Variants in PLS3 observed in about 807,000 individuals in gnomAD.
The protein encoded by PLS3 is plastin-3.
Under a neutral mutation model 46.5 loss-of-function variants are expected in PLS3, and 11 were observed. The ratio of observed to expected loss-of-function variants is 0.24; its 90% CI spans 0.15 to 0.39. The LOEUF is 0.39. Ranked by LOEUF, PLS3 falls within the 10% of genes least tolerant of loss-of-function variation. The pLI, the probability that PLS3 is intolerant of heterozygous loss-of-function variation, is 1.00. For synonymous variants in PLS3, 167 were observed against 162.2 expected, an observed-to-expected ratio of 1.03 and a Z score of -0.22; for missense variants, 308 against 461.8, an observed-to-expected ratio of 0.67 and a Z score of 3.05.
chrX:115,602,126 T>C (rs2074450945), intron 1 of PLS3, among the ~76,000 whole-genome samples: 2 of 111,639 alleles, frequency 1.8e-5, no homozygotes, highest in African/African-American at 6.5e-5. Flanking sequence ...GAAAAAACTT[T>C]TCTGACGCCT....
intron 1 of PLS3, among the ~76,000 whole-genome samples, chrX:115,569,927 C>T (rs1244537647): frequency 4.5e-5 from 5 of 111,518 alleles, no homozygotes; most frequent in South Asian, 3.8e-4. Flanking sequence ...CAATAGCTCT[C>T]GCATTTTATT....
chrX:115,634,761 G>A lies in PLS3; in HGVS notation c.583-120G>A, dbSNP rs1169472540. 1.1e-5 allele frequency: 7 copies of A among 665,779 alleles called. No individual in the cohort carries two copies. In the African/African-American group the frequency reaches 1.1e-4, roughly 10 times the overall value. The allele number at this position is 665,779 out of a possible 1,213,427, so 54.9% of individuals were successfully genotyped here. ...ATTTGTTTTTTGTGACACATATATG[G>A]ATGAAATTAATACAGGGTATTAATT... On this transcript the variant is annotated intron_variant, in intron 6 of 15. Coordinates refer to ENST00000355899, the MANE Select transcript of PLS3 (RefSeq NM_005032.7).
intron 2 of PLS3, among the ~76,000 whole-genome samples, chrX:115,620,142 G>A (rs1481403006): frequency 1.8e-5 from 2 of 110,975 alleles, no homozygotes; most frequent in Non-Finnish European, 3.8e-5. Context: ...ATCACACTTA[G>A]AAAGAAATGT....
At position 115,644,426 on chromosome X, in the gene PLS3, G is replaced by A. The variant is rs1476211951; in HGVS notation, c.1184-595G>A. On this transcript the variant is annotated intron_variant, in intron 10 of 15. Transcript: ENST00000355899. ...AGCCTGGCTAACATGGTGAAACCCC[G>A]TTTCCACTAAAAATACAAAAAATTA... Among the ~76,000 whole-genome samples the A allele has an allele frequency of 6.4e-5, 7 of 109,599 alleles. No individual in the cohort carries two copies. In the East Asian group the frequency reaches 1.1e-3, roughly 18 times the overall value.
rs200804393 is a variant in PLS3 at position 115,567,700 on chromosome X, TTTC to T, written c.-9+6449_-9+6451del. Among the ~76,000 whole-genome samples the T allele has an allele frequency of 8.1e-3, 854 of 105,478 alleles. 11 individuals carry two copies. Among genetic ancestry groups the T allele is most frequent in the African/African-American group, 0.029 (805 of 27,970 alleles). 91.6% of individuals were successfully genotyped at this position (105,478 alleles called of 115,157 possible). A position where few individuals can be genotyped will look rare whatever the true frequency, so the allele number is the denominator to read the frequency against. On this transcript the variant is annotated intron_variant, in intron 1 of 15. Coordinates refer to ENST00000355899, the MANE Select transcript of PLS3 (RefSeq NM_005032.7). ...GCTATTAACTTGGATTTTCTTTTCT[TTTC>T]TTCTTCTTTTTTTTTTTTTTTTTTT...
At chrX:115,613,675 A>G (rs782772498) in intron 2 of PLS3, among the ~76,000 whole-genome samples, 2 of 111,463 alleles carry the variant, frequency 1.8e-5, no homozygotes, top group East Asian at 2.8e-4. Context: ...GTGTGGGTGC[A>G]TGGGTAAAAG....
At chrX:115,596,839 G>T (rs1374722992) in intron 1 of PLS3, among the ~76,000 whole-genome samples, 1 of 103,761 alleles carries the variant, frequency 9.6e-6, no homozygotes, top group Non-Finnish European at 2.0e-5. Context: ...TCTGTCTCAA[G>T]AAAATAATAA....
At chrX:115,643,569 A>G (rs1348587258) in intron 10 of PLS3, 61 bp downstream of exon 10, 34 of 637,372 alleles carry the variant, frequency 5.3e-5, no homozygotes, top group South Asian at 9.0e-5. Context: ...ATAGGCCACA[A>G]TGATTTTACA....
chrX:115,561,318 A>T (rs939542307), intron 1 of PLS3, 58 bp downstream of exon 1: 4 of 110,647 alleles, frequency 3.6e-5, no homozygotes, highest in African/African-American at 1.3e-4. Flanking sequence ...GGGCGTGGGC[A>T]GGAGTGGGTC....
intron 3 of PLS3, among the ~76,000 whole-genome samples, chrX:115,623,407 G>A (rs1449335632): frequency 9.0e-6 from 1 of 111,185 alleles, no homozygotes. Context: ...TATAGTCCTA[G>A]CTACTCAGGA....
At position 115,640,585 on chromosome X, in the gene PLS3, G is replaced by A. The variant is rs782779243; in HGVS notation, c.987+82G>A. On this transcript the variant is annotated intron_variant, in intron 9 of 15. Transcript: ENST00000355899. ...TATAAGTACAATAATTTTTATAATCGTATGAAGTAGAGTTGGCAATTTTAA... is the reference window on the plus strand; with the variant it reads ...TATAAGTACAATAATTTTTATAATCATATGAAGTAGAGTTGGCAATTTTAA... The A allele has an allele frequency of 5.5e-5, 29 of 531,538 alleles. No individual in the cohort carries two copies. The East Asian group carries it at 6.0e-4, about 11-fold the overall frequency. 43.8% of individuals were successfully genotyped at this position (531,538 alleles called of 1,213,427 possible).
At chrX:115,580,562 G>A (rs1325887680) in intron 1 of PLS3, among the ~76,000 whole-genome samples, 2 of 112,011 alleles carry the variant, frequency 1.8e-5, no homozygotes, top group African/African-American at 6.5e-5. Flanking sequence ...CTTGATTACT[G>A]TAGCTACATA....
chrX:115,625,276 A>G (rs1235635319), intron 3 of PLS3, among the ~76,000 whole-genome samples: 1 of 111,313 alleles, frequency 9.0e-6, no homozygotes, highest in Non-Finnish European at 1.9e-5. Context: ...ACTACAAACA[A>G]AAACAGTTTA....
chrX:115,609,355 T>C (rs1377873411), intron 1 of PLS3, among the ~76,000 whole-genome samples: 1 of 111,727 alleles, frequency 9.0e-6, no homozygotes, highest in African/African-American at 3.2e-5. Flanking sequence ...ATATCAAGGA[T>C]ATAATATATT....
At chrX:115,602,864 T>TA (rs71824927) in intron 1 of PLS3, among the ~76,000 whole-genome samples, 5 of 101,052 alleles carry the variant, frequency 4.9e-5, no homozygotes, top group African/African-American at 1.4e-4. Flanking sequence ...CCTTTCAATT[T>TA]AAAAAAAAAA....
intron 1 of PLS3, among the ~76,000 whole-genome samples, chrX:115,590,937 G>C (rs782047401): frequency 9.9e-5 from 11 of 110,862 alleles, no homozygotes; most frequent in Non-Finnish European, 1.3e-4. Context: ...AGGAGATCGA[G>C]ACCATCCTGG....
chrX:115,626,306 CG>C (rs2074709877), intron 3 of PLS3, among the ~76,000 whole-genome samples: 1 of 104,314 alleles, frequency 9.6e-6, no homozygotes, highest in African/African-American at 3.5e-5. Context: ...TTTTTTGAGA[CG>C]GAGTTTCACT....
At chrX:115,623,108 A>G (rs2074673021) in intron 3 of PLS3, among the ~76,000 whole-genome samples, 1 of 111,378 alleles carries the variant, frequency 9.0e-6, no homozygotes, top group Admixed American at 9.6e-5. Flanking sequence ...AATGCCTACC[A>G]CTATTGGCTG....
chrX:115,639,966 C>A (rs2074878064), intron 8 of PLS3: 2 of 456,948 alleles, frequency 4.4e-6, no homozygotes, highest in East Asian at 7.5e-5. Context: ...TTAAATACAT[C>A]TTTAACATAG....
Sources: gnomAD v4.1 joint callset for allele counts (sites outside exome capture counted in the v4.1 genomes callset) on GRCh38, gnomAD v4.1.1 for gene constraint, MANE v1.5 for transcripts, NCBI Gene and HGNC (gene_info 2026-07-23, HGNC 2026-07-21) for gene names.